FARS2: variants seen among roughly 807,000 people sequenced by gnomAD.
FARS2 encodes the protein phenylalanine--tRNA ligase, mitochondrial.
Under a neutral mutation model 46.4 loss-of-function variants are expected in FARS2, and 40 were observed. The observed-to-expected ratio is 0.86, with a 90% confidence interval of 0.67 to 1.12. FARS2 has a LOEUF of 1.12. Ranked by LOEUF, FARS2 falls within the 50% of genes most tolerant of loss-of-function variation. The pLI, the probability that FARS2 is intolerant of heterozygous loss-of-function variation, is 0.00. For synonymous variants in FARS2, 234 were observed against 214.9 expected (o/e 1.09, Z -0.78); for missense variants, 513 against 567.9 (o/e 0.90, Z 0.98).
intron 6 of FARS2, among the ~76,000 whole-genome samples, chr6:5,652,362 C>G (rs184905930): frequency 6.6e-6 from 1 of 152,128 alleles, no homozygotes; most frequent in Non-Finnish European, 1.5e-5. Context: ...TTTGACCCTT[C>G]GAATCTGTGC....
intron 4 of FARS2, chr6:5,431,704 AG>A (rs1173342458): frequency 1.9e-6 from 1 of 532,592 alleles, no homozygotes; most frequent in Non-Finnish European, 3.9e-6. Context: ...TGGAAACACG[AG>A]GTTGCTGATT....
At chr6:5,583,849 A>G (rs192896660) in intron 5 of FARS2, among the ~76,000 whole-genome samples, 31 of 152,274 alleles carry the variant, frequency 2.0e-4, no homozygotes, top group Admixed American at 3.3e-4. Flanking sequence ...GCAACTGGCT[A>G]TTCTCACTGG....
chr6:5,767,092 A>G (rs1467542853), intron 6 of FARS2, among the ~76,000 whole-genome samples: 1 of 151,738 alleles, frequency 6.6e-6, no homozygotes, highest in Non-Finnish European at 1.5e-5. Context: ...GTCTCACTCT[A>G]TTGCCCAGGC....
intron 4 of FARS2, among the ~76,000 whole-genome samples, chr6:5,539,879 G>T (rs1406023660): frequency 6.6e-6 from 1 of 152,104 alleles, no homozygotes; most frequent in Non-Finnish European, 1.5e-5. Context: ...GTGTTCTGCA[G>T]ATGTGATTTC....
At chr6:5,689,531 A>C (rs2150857529) in intron 6 of FARS2, among the ~76,000 whole-genome samples, 1 of 152,164 alleles carries the variant, frequency 6.6e-6, no homozygotes, top group South Asian at 2.1e-4. Flanking sequence ...CTTAATCCTG[A>C]GTTCTAGTTT....
At chr6:5,600,503 A>T (rs1460541674) in intron 5 of FARS2, among the ~76,000 whole-genome samples, 7 of 152,250 alleles carry the variant, frequency 4.6e-5, no homozygotes, top group African/African-American at 1.7e-4. Flanking sequence ...AACAACCTGA[A>T]TTCATAAAGT....
chr6:5,334,952 C>A (rs923104998), intron 1 of FARS2, among the ~76,000 whole-genome samples: 3 of 152,090 alleles, frequency 2.0e-5, no homozygotes, highest in African/African-American at 7.2e-5. Flanking sequence ...TGTAGGCAAG[C>A]CCTGTTTTGA....
chr6:5,546,329 C>T (rs367706543), intron 5 of FARS2, among the ~76,000 whole-genome samples: 16 of 148,134 alleles, frequency 1.1e-4, no homozygotes, highest in East Asian at 6.1e-4. Flanking sequence ...TGGCTCACTG[C>T]AACCTGCGCC....
intron 1 of FARS2, among the ~76,000 whole-genome samples, chr6:5,365,410 A>G (rs1758600775): frequency 7.1e-6 from 1 of 140,580 alleles, no homozygotes; most frequent in African/African-American, 2.7e-5. Flanking sequence ...TGGCTTACTG[A>G]AGCCTGAACT....
intron 6 of FARS2, among the ~76,000 whole-genome samples, chr6:5,641,227 G>A (rs1310996385): frequency 6.6e-6 from 1 of 152,138 alleles, no homozygotes; most frequent in East Asian, 1.9e-4. Context: ...AGTTCACCAG[G>A]CATTTCTGGT....
chr6:5,390,151 A>C (rs1186451690), intron 2 of FARS2, among the ~76,000 whole-genome samples: 1 of 152,188 alleles, frequency 6.6e-6, no homozygotes, highest in African/African-American at 2.4e-5. Context: ...GGCATGAGCC[A>C]CTGCACCCAG....
At position 5,431,049 on chromosome 6, in the gene FARS2, A is replaced by G. The variant is rs201927340; in HGVS notation, c.781A>G (p.Ile261Val). 80 of 1,613,556 alleles carry G rather than the reference A, an allele frequency of 5.0e-5. No homozygotes were observed. The highest frequency in any genetic ancestry group is 4.5e-5 in the Non-Finnish European group (53 of 1,179,626). Residue 261 changes from isoleucine to valine, a missense_variant, in exon 4 of 7, where the codon ATA (isoleucine) becomes GTA (valine). Ile to Val is a conservative substitution (Grantham distance 29). Coordinates refer to ENST00000274680, the MANE Select transcript of FARS2 (RefSeq NM_006567.5). ...CTTTGGCAACTTTGCAGAGCTGGAG[A>G]TAAGATGGGTAGACTGCTACTTCCC... is the stretch of plus-strand genomic sequence containing the variant. ...MAHLFGDELEIRWVDCYFPFT... is the reference protein window; with the variant it reads ...MAHLFGDELEVRWVDCYFPFT...
chr6:5,571,176 G>A (rs960850761), intron 5 of FARS2, among the ~76,000 whole-genome samples: 4 of 152,098 alleles, frequency 2.6e-5, no homozygotes, highest in Admixed American at 2.0e-4. Flanking sequence ...AACCTCAAAC[G>A]TTATTTATTG....
chr6:5,660,095 A>G (rs905457374), intron 6 of FARS2, among the ~76,000 whole-genome samples: 2 of 152,010 alleles, frequency 1.3e-5, no homozygotes, highest in Non-Finnish European at 2.9e-5. Flanking sequence ...CCATCCACCA[A>G]TCTTGCACTC....
At chr6:5,747,014 G>A (rs757855152) in intron 6 of FARS2, among the ~76,000 whole-genome samples, 49 of 152,178 alleles carry the variant, frequency 3.2e-4, no homozygotes, top group Admixed American at 5.9e-4. Context: ...ATGCAGGAGT[G>A]GGCCAGATGG....
intron 4 of FARS2, among the ~76,000 whole-genome samples, chr6:5,472,255 A>G (rs2150322812): frequency 6.6e-6 from 1 of 152,334 alleles, no homozygotes; most frequent in South Asian, 2.1e-4. Context: ...TGTCTGCAGC[A>G]TATGCGCTGC....
At chr6:5,361,920 T>A (rs956741275) in intron 1 of FARS2, among the ~76,000 whole-genome samples, 4 of 152,224 alleles carry the variant, frequency 2.6e-5, no homozygotes, top group African/African-American at 9.7e-5. Context: ...GAAAGGACTG[T>A]TGAAATGATT....
At chr6:5,559,936 A>G (rs1164137713) in intron 5 of FARS2, among the ~76,000 whole-genome samples, 1 of 152,118 alleles carries the variant, frequency 6.6e-6, no homozygotes. Flanking sequence ...GGGTGTCCAC[A>G]TGGAAAAAAA....
intron 6 of FARS2, among the ~76,000 whole-genome samples, chr6:5,618,311 C>T (rs1479588345): frequency 6.6e-6 from 1 of 152,180 alleles, no homozygotes; most frequent in Non-Finnish European, 1.5e-5. Flanking sequence ...CACCAAGTCC[C>T]TGACTACTTA....
Sources: gnomAD v4.1 joint callset for allele counts (sites outside exome capture counted in the v4.1 genomes callset) on GRCh38, gnomAD v4.1.1 for gene constraint, MANE v1.5 for transcripts, NCBI Gene and HGNC (gene_info 2026-07-23, HGNC 2026-07-21) for gene names.